The following STXBP6 variants were observed in gnomAD, a reference collection of about 807,000 sequenced individuals.
STXBP6 encodes syntaxin binding protein 6.
In STXBP6, 21 loss-of-function variants were observed where a neutral mutation model predicts 26.9. That is an observed-to-expected ratio of 0.78 (90% CI 0.55 to 1.12). The LOEUF is 1.12. Among genes scored for constraint, STXBP6 ranks in the 50% most tolerant of loss-of-function variants. The pLI, the probability that STXBP6 is intolerant of heterozygous loss-of-function variation, is 0.00. For synonymous variants in STXBP6, 97 were observed against 92.6 expected (o/e 1.05, Z -0.27); for missense variants, 232 against 257.9 (o/e 0.90, Z 0.69).
chr14:24,887,941 C>T (rs1233759845), intron 2 of STXBP6, among the ~76,000 whole-genome samples: 1 of 152,178 alleles, frequency 6.6e-6, no homozygotes, highest in Non-Finnish European at 1.5e-5. Flanking sequence ...TTGCTATTCT[C>T]CACTCTATTT....
intron 1 of STXBP6, among the ~76,000 whole-genome samples, chr14:25,046,469 A>G (rs895443168): frequency 1.3e-5 from 2 of 152,184 alleles, no homozygotes; most frequent in African/African-American, 4.8e-5. Flanking sequence ...CTCTAGTGCT[A>G]ATCATTTTAA....
rs988987226 is a variant in STXBP6, at chr14:24,809,814, C to T, written c.*2895G>A. On this transcript the variant is annotated 3_prime_UTR_variant, in exon 6 of 6. Coordinates refer to ENST00000323944, the MANE Select transcript of STXBP6 (RefSeq NM_001394410.1). The stretch of plus-strand genomic sequence containing the variant: ...TGTATGACAGACATCAGTAGTGTCA[C>T]AATTTCTAAAATTAAGAGCTAAACC... 1.3e-5 allele frequency: 2 copies of T among 152,174 alleles called. No individual in the cohort carries two copies. The highest frequency in any genetic ancestry group is 4.8e-5 in the African/African-American group (2 of 41,456). 9.4% of individuals were successfully genotyped at this position (152,174 alleles called of 1,614,324 possible).
Position 24,812,632 on chromosome 14 carries a change from G to T in STXBP6, c.*77C>A. The stretch of plus-strand genomic sequence containing the variant: ...TATTGGAAAAAAAGAAGCAAGCGGA[G>T]GTCCCGAATTCTTGTAAAAACTGCT... On this transcript the variant is annotated 3_prime_UTR_variant, in exon 6 of 6. Transcript: ENST00000323944. 7.1e-7 allele frequency: 1 copy of T among 1,414,190 alleles called. No individual in the cohort carries two copies. 87.6% of individuals were successfully genotyped at this position (1,414,190 alleles called of 1,614,324 possible).
chr14:24,831,067 T>C (rs191994905), intron 4 of STXBP6, among the ~76,000 whole-genome samples: 2 of 152,250 alleles, frequency 1.3e-5, no homozygotes, highest in African/African-American at 4.8e-5. Flanking sequence ...TAACTCAAAA[T>C]AGATCAAAGA....
intron 2 of STXBP6, among the ~76,000 whole-genome samples, chr14:24,888,166 G>T (rs911997475): frequency 3.3e-5 from 5 of 152,208 alleles, no homozygotes; most frequent in African/African-American, 9.7e-5. Context: ...TCACTAAAGT[G>T]ACTAAGGAGA....
chr14:24,983,986 T>C (rs891194127), intron 1 of STXBP6, among the ~76,000 whole-genome samples: 12 of 152,142 alleles, frequency 7.9e-5, no homozygotes, highest in Non-Finnish European at 1.5e-4. Flanking sequence ...ACATTCCTTA[T>C]TCATTGAGAG....
At chr14:24,962,865 C>G (rs1296094086) in intron 2 of STXBP6, among the ~76,000 whole-genome samples, 1 of 146,380 alleles carries the variant, frequency 6.8e-6, no homozygotes, top group East Asian at 2.0e-4. Context: ...AGACTGAGAT[C>G]ATTATTTCTC....
intron 2 of STXBP6, among the ~76,000 whole-genome samples, chr14:24,862,858 A>G (rs1400033623): frequency 6.6e-6 from 1 of 152,166 alleles, no homozygotes; most frequent in African/African-American, 2.4e-5. Flanking sequence ...TATGCAAATA[A>G]TAGAGCAAGT....
intron 4 of STXBP6, among the ~76,000 whole-genome samples, chr14:24,828,386 T>C (rs1387325523): frequency 2.6e-5 from 4 of 152,144 alleles, no homozygotes; most frequent in Admixed American, 6.5e-5. Context: ...TTCTTAATGA[T>C]AAAACAAGAG....
intron 2 of STXBP6, among the ~76,000 whole-genome samples, chr14:24,874,477 C>T (rs2070061368): frequency 6.6e-6 from 1 of 152,030 alleles, no homozygotes; most frequent in Non-Finnish European, 1.5e-5. Flanking sequence ...TAGGGTCCAT[C>T]CCACCCATGC....
At chr14:24,813,438 T>C (rs984686290) in intron 5 of STXBP6, among the ~76,000 whole-genome samples, 6 of 152,214 alleles carry the variant, frequency 3.9e-5, no homozygotes, top group Non-Finnish European at 8.8e-5. Context: ...GTACAGAATA[T>C]GAAATTAAAT....
intron 2 of STXBP6, among the ~76,000 whole-genome samples, chr14:24,907,475 G>A (rs1301943886): frequency 1.3e-5 from 2 of 151,942 alleles, no homozygotes; most frequent in Non-Finnish European, 2.9e-5. Flanking sequence ...ATGTCTTATG[G>A]GTATTAGAAA....
chr14:24,960,508 A>G (rs762109898), intron 2 of STXBP6, among the ~76,000 whole-genome samples: 3 of 152,246 alleles, frequency 2.0e-5, no homozygotes, highest in Non-Finnish European at 2.9e-5. Context: ...TTATATTTTA[A>G]ATTTTAAATT....
At chr14:25,000,912 A>T (rs1566551398) in intron 1 of STXBP6, among the ~76,000 whole-genome samples, 1 of 151,922 alleles carries the variant, frequency 6.6e-6, no homozygotes, top group Non-Finnish European at 1.5e-5. Context: ...ACTTTGTTGA[A>T]CCTAAGCACA....
intron 2 of STXBP6, among the ~76,000 whole-genome samples, chr14:24,968,170 A>AATATATAT (rs72223372): frequency 0.017 from 2,436 of 144,288 alleles, 69 homozygotes; most frequent in African/African-American, 0.059. Context: ...TATAATAAAG[A>AATATATAT]ATATATATAT....
At chr14:24,997,119 A>G (rs759163871) in intron 1 of STXBP6, among the ~76,000 whole-genome samples, 2 of 152,156 alleles carry the variant, frequency 1.3e-5, no homozygotes, top group Non-Finnish European at 2.9e-5. Context: ...CACAGCATGC[A>G]TATGTCAGAC....
intron 2 of STXBP6, among the ~76,000 whole-genome samples, chr14:24,858,974 C>T (rs1051154637): frequency 2.0e-5 from 3 of 152,146 alleles, no homozygotes; most frequent in African/African-American, 7.2e-5. Flanking sequence ...TTCTTTCTAA[C>T]TTTAAAGTTG....
At chr14:24,848,307 G>T (rs1310205597) in intron 4 of STXBP6, among the ~76,000 whole-genome samples, 1 of 152,084 alleles carries the variant, frequency 6.6e-6, no homozygotes, top group Non-Finnish European at 1.5e-5. Context: ...TATAACTTAA[G>T]CAGCTCAGAT....
intron 2 of STXBP6, among the ~76,000 whole-genome samples, chr14:24,946,308 C>T (rs1479112787): frequency 1.3e-5 from 2 of 152,056 alleles, no homozygotes; most frequent in East Asian, 1.9e-4. Context: ...TTGATCATAG[C>T]ATTGAGAATG....
Sources: gnomAD v4.1 joint callset for allele counts (sites outside exome capture counted in the v4.1 genomes callset) on GRCh38, gnomAD v4.1.1 for gene constraint, MANE v1.5 for transcripts, NCBI Gene and HGNC (gene_info 2026-07-23, HGNC 2026-07-21) for gene names.